JPH1: variants seen among roughly 807,000 people sequenced by gnomAD.
The protein encoded by JPH1 is junctophilin-1.
JPH1 carries 12 observed loss-of-function variants against 53.6 expected under a neutral mutation model. The ratio of observed to expected loss-of-function variants is 0.22; its 90% CI spans 0.14 to 0.36. JPH1 has a LOEUF of 0.36. Ranked by LOEUF, JPH1 falls within the 10% of genes least tolerant of loss-of-function variation. JPH1 has a pLI of 1.00. For synonymous variants in JPH1, 375 were observed against 363.8 expected (o/e 1.03, Z -0.35); for missense variants, 808 against 905.5 (o/e 0.89, Z 1.38).
Position 74,320,878 on chromosome 8 carries a change from G to A in JPH1, c.379+31C>T. On this transcript the variant is annotated intron_variant, in intron 1 of 5. Transcript: ENST00000342232. The surrounding 1 kb of genome is among the most constrained non-coding windows in gnomAD (Gnocchi z 4.4). ...GCAGAGCCCACCGCACCAGCTCGCG[G>A]AGCAGCCGAGCCGCCCGTTACGCCG... 1 of 1,485,188 alleles carries A rather than the reference G, an allele frequency of 6.7e-7. No individual in the cohort carries two copies. The highest frequency in any genetic ancestry group is 8.9e-7 in the Non-Finnish European group (1 of 1,119,364). 92.0% of individuals were successfully genotyped at this position (1,485,188 alleles called of 1,614,324 possible). A position where few individuals can be genotyped will look rare whatever the true frequency, so the allele number is the denominator to read the frequency against.
intron 2 of JPH1, among the ~76,000 whole-genome samples, chr8:74,268,973 A>G (rs531428239): frequency 6.6e-6 from 1 of 152,104 alleles, no homozygotes; most frequent in Non-Finnish European, 1.5e-5. Flanking sequence ...ACTTATAAAT[A>G]CATTTTTAAA....
chr8:74,283,865 T>C (rs1229243324), intron 2 of JPH1, among the ~76,000 whole-genome samples: 1 of 152,176 alleles, frequency 6.6e-6, no homozygotes, highest in Non-Finnish European at 1.5e-5. Context: ...TATAAATATA[T>C]AGACTGGCAG....
intron 2 of JPH1, among the ~76,000 whole-genome samples, chr8:74,277,641 C>T (rs180953115): frequency 2.0e-5 from 3 of 152,290 alleles, no homozygotes; most frequent in African/African-American, 7.2e-5. Flanking sequence ...GGGTAAGTTA[C>T]TTAGCCTCAC....
chr8:74,259,580 G>A, intron 2 of JPH1, 77 bp from the exon 3 acceptor site: 4 of 1,062,898 alleles, frequency 3.8e-6, no homozygotes, highest in South Asian at 2.0e-5. Context: ...ATTGTAATCT[G>A]GGAAAAGAAA....
chr8:74,297,529 C>T (rs911033673), intron 2 of JPH1, among the ~76,000 whole-genome samples: 7 of 152,178 alleles, frequency 4.6e-5, no homozygotes, highest in Non-Finnish European at 8.8e-5. Flanking sequence ...TTTGCCCTAC[C>T]GACTCCATGC....
intron 2 of JPH1, among the ~76,000 whole-genome samples, chr8:74,300,043 T>A (rs1335827895): frequency 6.6e-6 from 1 of 152,222 alleles, no homozygotes; most frequent in Non-Finnish European, 1.5e-5. Flanking sequence ...AGAATCACAT[T>A]TTCATAGTTC....
chr8:74,241,136 A>C (rs1805680979), intron 4 of JPH1, among the ~76,000 whole-genome samples: 1 of 152,086 alleles, frequency 6.6e-6, no homozygotes, highest in South Asian at 2.1e-4. Flanking sequence ...TATTTATCCT[A>C]CCAGGGTGGC....
rs755218729 is a variant in JPH1, at chr8:74,315,345, C to T, written c.655G>A (p.Gly219Arg). Residue 219 changes from glycine to arginine, a missense_variant, in exon 2 of 6, where the codon GGA (glycine) becomes AGA (arginine). Gly to Arg is a moderately radical substitution (Grantham distance 125). This residue lies in a region of JPH1 where 756 missense variants were observed against 811.9 expected (regional missense o/e 0.93). Coordinates refer to ENST00000342232, the MANE Select transcript of JPH1 (RefSeq NM_020647.4). The surrounding 1 kb of genome is among the most constrained non-coding windows in gnomAD (Gnocchi z 6.3). ...TCGGACTTGCGAAGTTTCATGCTTCCAAGAAGGGAGCCCCTCCGGAAGAGG... is the reference window on the plus strand; with the variant it reads ...TCGGACTTGCGAAGTTTCATGCTTCTAAGAAGGGAGCCCCTCCGGAAGAGG... ...GGLFRRGSLL[G>R]SMKLRKSESK... is the part of the protein sequence containing the mutation. 4.3e-6 allele frequency: 7 copies of T among 1,613,440 alleles called. No homozygotes were observed. Among genetic ancestry groups the T allele is most frequent in the South Asian group, 2.2e-5 (2 of 91,080 alleles).
Position 74,320,788 on chromosome 8 carries a change from C to T in JPH1, c.379+121G>A. 8.2e-7 allele frequency: 1 copy of T among 1,216,716 alleles called. No homozygotes were observed. The highest frequency in any genetic ancestry group is 1.1e-6 in the Non-Finnish European group (1 of 926,638). 75.4% of individuals were successfully genotyped at this position (1,216,716 alleles called of 1,614,324 possible). A position where few individuals can be genotyped will look rare whatever the true frequency, so the allele number is the denominator to read the frequency against. ...GCGGGCGCGGGGGTGGGAGGCGCCC[C>T]CAGGTGTTTTGGCGGGTTTCCGGAC... On this transcript the variant is annotated intron_variant, in intron 1 of 5. Coordinates refer to ENST00000342232, the MANE Select transcript of JPH1 (RefSeq NM_020647.4). This position sits in a 1 kb window ranked among gnomAD's most constrained non-coding sequence, Gnocchi z 4.4.
chr8:74,253,271 A>G (rs1203124018), intron 3 of JPH1, among the ~76,000 whole-genome samples: 30 of 152,160 alleles, frequency 2.0e-4, no homozygotes, highest in Non-Finnish European at 2.2e-4. Flanking sequence ...TGGAAACTGA[A>G]CAACCTGCTC....
intron 2 of JPH1, among the ~76,000 whole-genome samples, chr8:74,290,548 A>G (rs1807293883): frequency 2.0e-5 from 3 of 152,354 alleles, no homozygotes; most frequent in South Asian, 4.1e-4. Context: ...GAAAATGGCT[A>G]TACTGCCCAA....
chr8:74,268,953 T>C (rs1586747244), intron 2 of JPH1, among the ~76,000 whole-genome samples: 1 of 152,298 alleles, frequency 6.6e-6, no homozygotes, highest in South Asian at 2.1e-4. Flanking sequence ...AATGATTCCA[T>C]TTTATAAATA....
In JPH1 at chr8:74,283,027, A is replaced by G. The variant is rs1394851734; in HGVS notation, c.1140-23524T>C. ...TAATGAAGGGCATCTTGACTTTTAA[A>G]ACACAGTTAAACAGTGTTTATTGTA... On this transcript the variant is annotated intron_variant, in intron 2 of 5. Coordinates refer to ENST00000342232, the MANE Select transcript of JPH1 (RefSeq NM_020647.4). Among the ~76,000 whole-genome samples the G allele has an allele frequency of 2.0e-5, 3 of 152,174 alleles. No individual in the cohort carries two copies. The East Asian group carries it at 5.8e-4, about 29-fold the overall frequency.
intron 3 of JPH1, among the ~76,000 whole-genome samples, chr8:74,249,141 T>C (rs924142126): frequency 1.6e-4 from 24 of 152,160 alleles, no homozygotes; most frequent in African/African-American, 5.5e-4. Flanking sequence ...ATATGGCAGA[T>C]GGTGGCAGCA....
At chr8:74,295,228 A>T (rs1237831714) in intron 2 of JPH1, among the ~76,000 whole-genome samples, 1 of 152,092 alleles carries the variant, frequency 6.6e-6, no homozygotes, top group Non-Finnish European at 1.5e-5. Context: ...TGGTTCCTCT[A>T]AGTGATTAGG....
At chr8:74,291,613 C>T (rs949711350) in intron 2 of JPH1, among the ~76,000 whole-genome samples, 13 of 152,204 alleles carry the variant, frequency 8.5e-5, no homozygotes, top group Non-Finnish European at 1.9e-4. Context: ...TTGACCCAGC[C>T]ATCCCATTAC....
chr8:74,315,388 C>G lies in JPH1; in HGVS notation c.612G>C (p.Ala204=), dbSNP rs771740296. The change falls in exon 2 of 6, where the codon GCG becomes GCC. Residue 204 remains alanine, a synonymous_variant. Coordinates refer to ENST00000342232, the MANE Select transcript of JPH1 (RefSeq NM_020647.4). This position sits in a 1 kb window ranked among gnomAD's most constrained non-coding sequence, Gnocchi z 6.3. ...VLNFHADAEL[A]GKKKGGLFRR... Reference sequence around the variant, plus strand: ...GGAAGAGGCCGCCCTTCTTCTTGCCCGCTAGCTCAGCGTCTGCGTGGAAGT... The same window carrying G: ...GGAAGAGGCCGCCCTTCTTCTTGCCGGCTAGCTCAGCGTCTGCGTGGAAGT... The G allele has an allele frequency of 6.2e-7, 1 of 1,612,558 alleles. No individual in the cohort carries two copies.
chr8:74,272,868 T>A (rs1164849644), intron 2 of JPH1, among the ~76,000 whole-genome samples: 5 of 152,072 alleles, frequency 3.3e-5, no homozygotes, highest in Admixed American at 2.0e-4. Context: ...CCTCCCAAAG[T>A]GCTGGGATTA....
chr8:74,291,254 G>C (rs946870212), intron 2 of JPH1, among the ~76,000 whole-genome samples: 2 of 152,140 alleles, frequency 1.3e-5, no homozygotes, highest in Admixed American at 6.5e-5. Flanking sequence ...CTAATATCCA[G>C]AATCTACAAA....
Sources: gnomAD v4.1 joint callset for allele counts (sites outside exome capture counted in the v4.1 genomes callset) on GRCh38, gnomAD v4.1.1 for gene constraint, gnomAD v4.1.1 regional missense constraint, Gnocchi (gnomAD v3.1) non-coding constraint, MANE v1.5 for transcripts, NCBI Gene and HGNC (gene_info 2026-07-23, HGNC 2026-07-21) for gene names.